The following RALGPS2 variants were observed in gnomAD, a reference collection of about 807,000 sequenced individuals.
RALGPS2 encodes the protein ras-specific guanine nucleotide-releasing factor RalGPS2.
A neutral mutation model predicts 86.8 loss-of-function variants in RALGPS2; 43 were observed. The observed-to-expected ratio is 0.50, with a 90% CI of 0.39 to 0.64. RALGPS2 has a LOEUF of 0.64. Ranked by LOEUF, RALGPS2 falls within the 30% of genes least tolerant of loss-of-function variation. The pLI, the probability that RALGPS2 is intolerant of heterozygous loss-of-function variation, is 0.00. For synonymous variants in RALGPS2, 243 were observed against 231.3 expected, an observed-to-expected ratio of 1.05 and a Z score of -0.46; for missense variants, 536 against 694.6, an observed-to-expected ratio of 0.77 and a Z score of 2.57.
intron 19 of RALGPS2, among the ~76,000 whole-genome samples, chr1:178,915,401 A>AT (rs1660775172): frequency 6.6e-6 from 1 of 152,028 alleles, no homozygotes; most frequent in Non-Finnish European, 1.5e-5. Flanking sequence ...GGCCCAGCTA[A>AT]TTTTTGTATT....
chr1:178,836,550 C>T (rs1656280976), intron 8 of RALGPS2, among the ~76,000 whole-genome samples: 1 of 152,166 alleles, frequency 6.6e-6, no homozygotes, highest in Admixed American at 6.5e-5. Context: ...CTAATAAGGT[C>T]ACCAGTGACT....
At chr1:178,903,609 T>C (rs1233878246) in intron 18 of RALGPS2, among the ~76,000 whole-genome samples, 2 of 152,230 alleles carry the variant, frequency 1.3e-5, no homozygotes, top group Non-Finnish European at 2.9e-5. Context: ...ATGTTTGGTT[T>C]TCCATTCCTC....
intron 1 of RALGPS2, among the ~76,000 whole-genome samples, chr1:178,764,384 G>T (rs1652395479): frequency 6.6e-6 from 1 of 152,160 alleles, no homozygotes; most frequent in Non-Finnish European, 1.5e-5. Flanking sequence ...GTCTCTTGAA[G>T]ACAGCATACA....
chr1:178,807,027 G>A (rs1299276999), intron 4 of RALGPS2, among the ~76,000 whole-genome samples: 1 of 152,128 alleles, frequency 6.6e-6, no homozygotes, highest in Non-Finnish European at 1.5e-5. Flanking sequence ...TTAAAATCTA[G>A]AGGTCAGTCT....
Position 178,916,624 on chromosome 1 carries a change from T to A in RALGPS2, c.*265T>A, listed in dbSNP as rs1392337942. 2 of 401,860 alleles carry A rather than the reference T, an allele frequency of 5.0e-6. No individual in the cohort carries two copies. The highest frequency in any genetic ancestry group is 3.7e-5 in the East Asian group (1 of 26,836). The allele number at this position is 401,860 out of a possible 1,614,324, so 24.9% of individuals were successfully genotyped here. A position where few individuals can be genotyped will look rare whatever the true frequency, so the allele number is the denominator to read the frequency against. On this transcript the variant is annotated 3_prime_UTR_variant, in exon 20 of 20. Transcript: ENST00000367635. ...TGTGGAAACCACTGCCTTAAAAGAATGAAAGGAAAACCAACATGAAACACC... is the reference window on the plus strand; with the variant it reads ...TGTGGAAACCACTGCCTTAAAAGAAAGAAAGGAAAACCAACATGAAACACC...
rs182243535 is a variant in RALGPS2, at chr1:178,897,696, G to A, written c.1464G>A (p.Leu488=). 80 of 1,612,652 alleles carry A rather than the reference G, an allele frequency of 5.0e-5. No individual in the cohort carries two copies. The Admixed American group carries it at 9.9e-4, about 20-fold the overall frequency. ...CTTGGACAAAATATTGGGCAGCTTT[G>A]TGTGGGACACAGCTTTTTTACTATG... is the stretch of plus-strand genomic sequence containing the variant. ...VASWTKYWAA[L]CGTQLFYYAA... The change falls in exon 17 of 20, where the codon TTG becomes TTA. Residue 488 remains leucine (L), a synonymous_variant. Transcript: ENST00000367635.
chr1:178,737,285 G>A (rs529051872), intron 1 of RALGPS2, among the ~76,000 whole-genome samples: 1 of 151,994 alleles, frequency 6.6e-6, no homozygotes, highest in African/African-American at 2.4e-5. Flanking sequence ...TTGCTCTGTC[G>A]CCCAGGCTGA....
Position 178,747,022 on chromosome 1 carries a change from CCTT to C in RALGPS2, c.-84+21606_-84+21608del, listed in dbSNP as rs1469270379. On this transcript the variant is annotated intron_variant, in intron 1 of 19. Coordinates refer to ENST00000367635, the MANE Select transcript of RALGPS2 (RefSeq NM_152663.5). ...AGAATCTCCCTTTACACATTTTGCT[CCTT>C]CTGTTATAGCCATGTATGAGAATCT... 10 of 909,128 alleles carry C rather than the reference CCTT, an allele frequency of 1.1e-5. No individual in the cohort carries two copies. The African/African-American group carries it at 1.6e-4, about 14-fold the overall frequency. The allele number at this position is 909,128 out of a possible 1,614,324, so 56.3% of individuals were successfully genotyped here. A position where few individuals can be genotyped will look rare whatever the true frequency, so the allele number is the denominator to read the frequency against.
chr1:178,747,835 A>T, intron 1 of RALGPS2: 1 of 612,672 alleles, frequency 1.6e-6, no homozygotes. Flanking sequence ...GAGAGCCTAT[A>T]TTACATTAAT....
chr1:178,799,507 C>T (rs998918421), intron 4 of RALGPS2, among the ~76,000 whole-genome samples: 1 of 152,100 alleles, frequency 6.6e-6, no homozygotes. Context: ...CTGCCCTTAC[C>T]TATAAAGCTG....
intron 17 of RALGPS2, among the ~76,000 whole-genome samples, chr1:178,900,419 G>A (rs1660117845): frequency 6.6e-6 from 1 of 151,842 alleles, no homozygotes; most frequent in African/African-American, 2.4e-5. Context: ...ACATAGCATT[G>A]GTCATGATAT....
rs117965825 is a variant in RALGPS2, at chr1:178,784,858, G to T, written c.162+336G>T. ...ACATATCTAAGAAACATTTTCACTG[G>T]TTTTTTTAATTAAAAAATTGAAAAA... On this transcript the variant is annotated intron_variant, in intron 3 of 19. Coordinates refer to ENST00000367635, the MANE Select transcript of RALGPS2 (RefSeq NM_152663.5). Among the ~76,000 whole-genome samples, 1,207 of 151,712 alleles carry T rather than the reference G, an allele frequency of 8.0e-3. 29 individuals carry two copies. In the East Asian group the frequency reaches 0.091, roughly 11 times the overall value.
At chr1:178,858,064 T>C (rs967931209) in intron 8 of RALGPS2, among the ~76,000 whole-genome samples, 1 of 152,194 alleles carries the variant, frequency 6.6e-6, no homozygotes, top group African/African-American at 2.4e-5. Context: ...CTGTTAGACT[T>C]AGGGAAATGT....
At chr1:178,861,698 A>G (rs1186684274) in intron 8 of RALGPS2, among the ~76,000 whole-genome samples, 1 of 152,202 alleles carries the variant, frequency 6.6e-6, no homozygotes, top group Non-Finnish European at 1.5e-5. Flanking sequence ...AATTATGTTT[A>G]TTTATAACTT....
At chr1:178,745,873 A>G (rs1261930512) in intron 1 of RALGPS2, among the ~76,000 whole-genome samples, 1 of 121,122 alleles carries the variant, frequency 8.3e-6, no homozygotes, top group Admixed American at 1.1e-4. Flanking sequence ...CTCAGGCTGG[A>G]GGCAGTGGTG....
intron 8 of RALGPS2, chr1:178,850,429 A>C (rs563641743): frequency 6.6e-6 from 1 of 152,434 alleles, no homozygotes; most frequent in African/African-American, 2.4e-5. Context: ...TATCATATGA[A>C]GATAACACTG....
chr1:178,899,823 A>G lies in RALGPS2; in HGVS notation c.1524+2067A>G, dbSNP rs865960445. Among the ~76,000 whole-genome samples, 6 of 151,900 alleles carry G rather than the reference A, an allele frequency of 3.9e-5. No homozygotes were observed. The South Asian group carries it at 6.2e-4, about 16-fold the overall frequency. Reference sequence around the variant, plus strand: ...ACTGTTCTAGATTAAAGGAGACTTGACAACTAAATGCAATGTATGTCTTTT... The same window carrying G: ...ACTGTTCTAGATTAAAGGAGACTTGGCAACTAAATGCAATGTATGTCTTTT... On this transcript the variant is annotated intron_variant, in intron 17 of 19. Transcript: ENST00000367635.
At chr1:178,865,814 C>T in intron 8 of RALGPS2, 1 of 1,473,968 alleles carries the variant, frequency 6.8e-7, no homozygotes, top group Non-Finnish European at 9.1e-7. Flanking sequence ...TTTTGAAAAA[C>T]AAATCAGTGA....
chr1:178,853,545 G>T, intron 8 of RALGPS2: 5 of 1,377,110 alleles, frequency 3.6e-6, no homozygotes, highest in Non-Finnish European at 4.8e-6. Flanking sequence ...TTGCATTATT[G>T]CAAGAATGGA....
Sources: gnomAD v4.1 joint callset for allele counts (sites outside exome capture counted in the v4.1 genomes callset) on GRCh38, gnomAD v4.1.1 for gene constraint, MANE v1.5 for transcripts, NCBI Gene and HGNC (gene_info 2026-07-23, HGNC 2026-07-21) for gene names.